The following TM9SF3 variants were observed in gnomAD, a reference collection of about 807,000 sequenced individuals.
TM9SF3 encodes the protein transmembrane 9 superfamily member 3, also known as SM-11044-binding protein.
In TM9SF3, 14 loss-of-function variants were observed where a neutral mutation model predicts 78.6. That is an observed-to-expected ratio of 0.18 (90% CI 0.12 to 0.28). The LOEUF (loss-of-function observed/expected upper bound fraction) is 0.28, where lower values mean the gene tolerates loss of function less well. TM9SF3 is among the 10% of genes least tolerant of loss of function. The pLI is 1.00. For missense variants in TM9SF3, 496 were observed against 721.9 expected (o/e 0.69, Z 3.59); for synonymous variants, 231 against 241.7 (o/e 0.96, Z 0.41).
chr10:96,532,966 C>T lies in TM9SF3; in HGVS notation c.1325+85G>A. ...GATTGTCATTATCATAAATACATAC[C>T]AATTCTAAAGTTACATGTACACAAC... On this transcript the variant is annotated intron_variant, in intron 10 of 14. Transcript: ENST00000371142. 6.1e-6 allele frequency: 9 copies of T among 1,475,776 alleles called. No homozygotes were observed. In the South Asian group the frequency reaches 7.9e-5, roughly 13 times the overall value. 91.4% of individuals were successfully genotyped at this position (1,475,776 alleles called of 1,614,324 possible).
chr10:96,561,355 G>C (rs985960440), intron 4 of TM9SF3, among the ~76,000 whole-genome samples: 1 of 152,054 alleles, frequency 6.6e-6, no homozygotes, highest in African/African-American at 2.4e-5. Context: ...TTTGCATCAG[G>C]TACATATGCA....
At chr10:96,569,815 C>T (rs1001735537) in intron 2 of TM9SF3, among the ~76,000 whole-genome samples, 9 of 152,088 alleles carry the variant, frequency 5.9e-5, no homozygotes, top group Non-Finnish European at 1.0e-4. Flanking sequence ...AGGCAGATCA[C>T]GAGGTCAGGA....
intron 14 of TM9SF3, among the ~76,000 whole-genome samples, chr10:96,523,423 C>T (rs1224894802): frequency 1.3e-5 from 2 of 151,580 alleles, no homozygotes; most frequent in Admixed American, 6.6e-5. Flanking sequence ...TGAACTATAC[C>T]CCAAGGCTAC....
chr10:96,571,044 G>A (rs1848432383), intron 2 of TM9SF3, among the ~76,000 whole-genome samples: 1 of 152,100 alleles, frequency 6.6e-6, no homozygotes. Context: ...CCGGCCATGG[G>A]AAAAAGATTT....
intron 9 of TM9SF3, among the ~76,000 whole-genome samples, chr10:96,537,904 G>A (rs1268336766): frequency 3.3e-5 from 5 of 152,174 alleles, no homozygotes; most frequent in Admixed American, 3.3e-4. Context: ...ATCTAAATAA[G>A]TTGAGAGATA....
At chr10:96,535,444 A>C (rs1436902554) in intron 9 of TM9SF3, among the ~76,000 whole-genome samples, 1 of 152,230 alleles carries the variant, frequency 6.6e-6, no homozygotes, top group Non-Finnish European at 1.5e-5. Flanking sequence ...ACCCCTTGAT[A>C]TTAGATTTGT....
chr10:96,547,755 G>T, intron 8 of TM9SF3, 140 bp downstream of exon 8: 1 of 637,734 alleles, frequency 1.6e-6, no homozygotes, highest in South Asian at 2.1e-5. Context: ...AGGAGGTGGA[G>T]ACTGCAGTGA....
rs769930068 is a variant in TM9SF3 at position 96,565,372 on chromosome 10, T to A, written c.353A>T (p.Asp118Val). The change falls in exon 3 of 15, where the codon GAT (aspartate) becomes GTT (valine). Residue 118 changes from aspartate (D) to valine (V), a missense_variant. This residue lies in a region of TM9SF3 where 155 missense variants were observed against 241.6 expected (regional missense o/e 0.64). Coordinates refer to ENST00000371142, the MANE Select transcript of TM9SF3 (RefSeq NM_020123.4). ...CEIDLDKEKR[D>V]AFVYAIKNHY... The stretch of plus-strand genomic sequence containing the variant: ...ATTTTTTATGGCATATACAAATGCA[T>A]CTCTCTTTTCTTTATCTAAATCAAT... 6.4e-7 allele frequency: 1 copy of A among 1,559,412 alleles called. No individual in the cohort carries two copies. Among genetic ancestry groups the A allele is most frequent in the Non-Finnish European group, 8.6e-7 (1 of 1,162,214 alleles).
chr10:96,575,014 T>C (rs1848480876), intron 2 of TM9SF3, among the ~76,000 whole-genome samples: 1 of 151,922 alleles, frequency 6.6e-6, no homozygotes, highest in Non-Finnish European at 1.5e-5. Flanking sequence ...ATGGCATGTG[T>C]ATTCCTATGT....
At chr10:96,550,081 G>A (rs1252867947) in intron 7 of TM9SF3, among the ~76,000 whole-genome samples, 1 of 152,188 alleles carries the variant, frequency 6.6e-6, no homozygotes, top group African/African-American at 2.4e-5. Flanking sequence ...CTACTCGCCA[G>A]AACTCTGAAG....
chr10:96,552,003 T>C (rs1005306088), intron 6 of TM9SF3, among the ~76,000 whole-genome samples: 1 of 152,174 alleles, frequency 6.6e-6, no homozygotes, highest in Admixed American at 6.5e-5. Flanking sequence ...CACAGCTTGT[T>C]TCTAAAACAA....
In TM9SF3 at chr10:96,518,747, G is replaced by A. The variant is rs549874660; in HGVS notation, c.*3516C>T. 1 of 152,172 alleles carries A rather than the reference G, an allele frequency of 6.6e-6. No individual in the cohort carries two copies. The highest frequency in any genetic ancestry group is 1.5e-5 in the Non-Finnish European group (1 of 67,950). 9.4% of individuals were successfully genotyped at this position (152,172 alleles called of 1,614,324 possible). A position where few individuals can be genotyped will look rare whatever the true frequency, so the allele number is the denominator to read the frequency against. The stretch of plus-strand genomic sequence containing the variant: ...GATTTCTGCAGGTTCATATGTTAAC[G>A]TTCTGATCTAGCCTACCTGTAAGTC... On this transcript the variant is annotated 3_prime_UTR_variant, in exon 15 of 15. Coordinates refer to ENST00000371142, the MANE Select transcript of TM9SF3 (RefSeq NM_020123.4).
At chr10:96,556,829 T>C (rs887463022) in intron 5 of TM9SF3, among the ~76,000 whole-genome samples, 1 of 152,128 alleles carries the variant, frequency 6.6e-6, no homozygotes, top group African/African-American at 2.4e-5. Context: ...GCCCCACCAT[T>C]ATACCAAAAT....
intron 11 of TM9SF3, among the ~76,000 whole-genome samples, chr10:96,528,800 C>T (rs894734676): frequency 6.6e-6 from 1 of 151,974 alleles, no homozygotes; most frequent in Non-Finnish European, 1.5e-5. Flanking sequence ...GGGGAAAGAA[C>T]TAAGAAATGA....
At chr10:96,530,381 C>A (rs1040800434) in intron 11 of TM9SF3, among the ~76,000 whole-genome samples, 159 bp downstream of exon 11, 5 of 152,154 alleles carry the variant, frequency 3.3e-5, no homozygotes, top group Admixed American at 3.3e-4. Flanking sequence ...AAGAACACAG[C>A]CAACAGCTAC....
rs1013903471 is a variant in TM9SF3 at position 96,519,348 on chromosome 10, A to G, written c.*2915T>C. ...CCATTCACTAGGTTCGGATATCACCATAATATAATGAATTCTAAGAGTATG... is the reference window on the plus strand; with the variant it reads ...CCATTCACTAGGTTCGGATATCACCGTAATATAATGAATTCTAAGAGTATG... On this transcript the variant is annotated 3_prime_UTR_variant, in exon 15 of 15. Transcript: ENST00000371142. 2.0e-5 allele frequency: 3 copies of G among 152,012 alleles called. No individual in the cohort carries two copies. Among genetic ancestry groups the G allele is most frequent in the African/African-American group, 7.2e-5 (3 of 41,442 alleles). The allele number at this position is 152,012 out of a possible 1,614,324, so 9.4% of individuals were successfully genotyped here.
intron 2 of TM9SF3, among the ~76,000 whole-genome samples, chr10:96,573,735 CAACAG>C (rs1349330345): frequency 4.6e-5 from 7 of 152,032 alleles, no homozygotes; most frequent in African/African-American, 1.4e-4. Flanking sequence ...ATATATAGAC[CAACAG>C]AACAGAACAG....
chr10:96,566,706 C>CCATA (rs1848375120), intron 2 of TM9SF3, among the ~76,000 whole-genome samples: 1 of 151,772 alleles, frequency 6.6e-6, no homozygotes, highest in Non-Finnish European at 1.5e-5. Flanking sequence ...CAAACAACAA[C>CCATA]AAAAAAAACC....
intron 14 of TM9SF3, among the ~76,000 whole-genome samples, chr10:96,522,858 G>A (rs1847795289): frequency 6.6e-6 from 1 of 151,868 alleles, no homozygotes; most frequent in Admixed American, 6.6e-5. Context: ...AGTTGTAGAA[G>A]CTGTGTAGTT....
Sources: gnomAD v4.1 joint callset for allele counts (sites outside exome capture counted in the v4.1 genomes callset) on GRCh38, gnomAD v4.1.1 for gene constraint, gnomAD v4.1.1 regional missense constraint, MANE v1.5 for transcripts, NCBI Gene and HGNC (gene_info 2026-07-23, HGNC 2026-07-21) for gene names.